Variants in MAST4 observed in about 807,000 individuals in gnomAD.
MAST4 encodes the protein microtubule-associated serine/threonine-protein kinase 4.
In MAST4, 89 loss-of-function variants were observed where a neutral mutation model predicts 162.7. The ratio of observed to expected loss-of-function variants is 0.55; its 90% CI spans 0.46 to 0.65. The LOEUF (loss-of-function observed/expected upper bound fraction) is 0.65. MAST4 is among the 30% of genes least tolerant of loss of function. The probability of loss-of-function intolerance (pLI) is 0.00; values close to 1 mark genes in which losing one functional copy is unlikely to be tolerated. For missense variants in MAST4, 3,153 were observed against 3,374.0 expected (o/e 0.93, Z 1.62); for synonymous variants, 1,479 against 1,361.1 (o/e 1.09, Z -1.91).
intron 8 of MAST4, among the ~76,000 whole-genome samples, chr5:67,101,367 G>T (rs1192282939): frequency 6.6e-6 from 1 of 152,156 alleles, no homozygotes; most frequent in Non-Finnish European, 1.5e-5. Context: ...TCCCTCACTG[G>T]ATGTGGCACC....
At chr5:66,825,241 C>T (rs142426874) in intron 3 of MAST4, among the ~76,000 whole-genome samples, 1 of 148,180 alleles carries the variant, frequency 6.7e-6, no homozygotes, top group Non-Finnish European at 1.5e-5. Context: ...AACTTTTTAA[C>T]CTTTTTTGTT....
intron 3 of MAST4, among the ~76,000 whole-genome samples, chr5:66,806,086 G>A (rs1234580834): frequency 1.3e-5 from 2 of 152,144 alleles, no homozygotes; most frequent in Non-Finnish European, 2.9e-5. Context: ...CCACTTTGCT[G>A]GGCATGAGCT....
intron 1 of MAST4, among the ~76,000 whole-genome samples, chr5:66,723,250 C>T (rs1401707980): frequency 1.3e-5 from 2 of 152,112 alleles, no homozygotes; most frequent in African/African-American, 4.8e-5. Flanking sequence ...TGTTAGTTGA[C>T]CATTTCTCAG....
At position 66,596,630 on chromosome 5, in the gene MAST4, G is replaced by A. The variant is rs781084733; in HGVS notation, c.-26G>A. ...GTGCGCGCCGCGCCCCCGCCGCTCG[G>A]GAGGCACTTTGGGCCAGACAGGGAA... On this transcript the variant is annotated 5_prime_UTR_variant, in exon 1 of 29. Coordinates refer to ENST00000403625, the MANE Select transcript of MAST4 (RefSeq NM_001164664.2). 1.4e-5 allele frequency: 20 copies of A among 1,409,978 alleles called. No homozygotes were observed. The African/African-American group carries it at 2.8e-4, about 20-fold the overall frequency. The allele number at this position is 1,409,978 out of a possible 1,614,324, so 87.3% of individuals were successfully genotyped here. A position where few individuals can be genotyped will look rare whatever the true frequency, so the allele number is the denominator to read the frequency against.
intron 3 of MAST4, among the ~76,000 whole-genome samples, chr5:66,855,348 G>A (rs2149822580): frequency 6.6e-6 from 1 of 152,338 alleles, no homozygotes; most frequent in Admixed American, 6.5e-5. Context: ...TTCCCCAGAA[G>A]CTGAGCAGAT....
chr5:67,140,213 G>A (rs1008511407), intron 19 of MAST4, among the ~76,000 whole-genome samples: 1 of 152,154 alleles, frequency 6.6e-6, no homozygotes, highest in African/African-American at 2.4e-5. Context: ...GATGTGTGTT[G>A]TGGGCCACTA....
intron 3 of MAST4, among the ~76,000 whole-genome samples, chr5:66,834,598 C>G (rs1757833406): frequency 1.3e-5 from 2 of 152,146 alleles, no homozygotes; most frequent in Non-Finnish European, 1.5e-5. Flanking sequence ...GCCCCTTACT[C>G]TTAGCATTTT....
At chr5:66,829,254 C>G (rs1249543877) in intron 3 of MAST4, among the ~76,000 whole-genome samples, 1 of 151,968 alleles carries the variant, frequency 6.6e-6, no homozygotes, top group Admixed American at 6.6e-5. Context: ...GAACGCAGGA[C>G]TCAGTTTTGT....
chr5:67,016,915 G>C (rs1477566342), intron 4 of MAST4, among the ~76,000 whole-genome samples: 1 of 152,178 alleles, frequency 6.6e-6, no homozygotes, highest in Non-Finnish European at 1.5e-5. Context: ...TCTGATTATG[G>C]ATGGCAATAC....
In MAST4 at chr5:66,865,226, A is replaced by G. The variant is rs561619751; in HGVS notation, c.643-34725A>G. ...TGTTTGACATCTCAGATAGTTGGAAATGTCAAGGAGATGTGACAGAGTCAT... is the reference window on the plus strand; with the variant it reads ...TGTTTGACATCTCAGATAGTTGGAAGTGTCAAGGAGATGTGACAGAGTCAT... On this transcript the variant is annotated intron_variant, in intron 3 of 28. Coordinates refer to ENST00000403625, the MANE Select transcript of MAST4 (RefSeq NM_001164664.2). Among the ~76,000 whole-genome samples the G allele has an allele frequency of 9.2e-5, 14 of 152,328 alleles. No homozygotes were observed. The East Asian group carries it at 2.5e-3, about 27-fold the overall frequency.
intron 10 of MAST4, among the ~76,000 whole-genome samples, chr5:67,107,202 T>G (rs547247086): frequency 6.6e-6 from 1 of 152,312 alleles, no homozygotes; most frequent in South Asian, 2.1e-4. Flanking sequence ...AGGCATGCCC[T>G]GAAAAGGGTA....
At chr5:66,919,554 G>C (rs916354807) in intron 4 of MAST4, among the ~76,000 whole-genome samples, 5 of 151,690 alleles carry the variant, frequency 3.3e-5, no homozygotes, top group African/African-American at 1.2e-4. Flanking sequence ...TCAGCTACTT[G>C]GGAGGCTGAG....
intron 4 of MAST4, among the ~76,000 whole-genome samples, chr5:66,924,500 T>C (rs2150055375): frequency 6.6e-6 from 1 of 152,138 alleles, no homozygotes; most frequent in African/African-American, 2.4e-5. Context: ...TTCACGCCGT[T>C]CTCCTGCCTC....
chr5:66,654,725 TTA>T (rs1746440111), intron 1 of MAST4, among the ~76,000 whole-genome samples: 1 of 152,162 alleles, frequency 6.6e-6, no homozygotes, highest in Non-Finnish European at 1.5e-5. Context: ...TTATTCAGAA[TTA>T]TGTTAAGATT....
At chr5:66,908,728 C>G (rs573897649) in intron 4 of MAST4, among the ~76,000 whole-genome samples, 23 of 152,246 alleles carry the variant, frequency 1.5e-4, no homozygotes, top group African/African-American at 5.1e-4. Context: ...TGTGCTGTCT[C>G]ACTAAAAGCC....
At chr5:67,159,054 G>A (rs773653370) in intron 26 of MAST4, among the ~76,000 whole-genome samples, 4 of 152,072 alleles carry the variant, frequency 2.6e-5, no homozygotes, top group Non-Finnish European at 5.9e-5. Context: ...CAAAAAAAGA[G>A]AACAATAGCA....
At chr5:66,882,699 G>A (rs949447221) in intron 3 of MAST4, among the ~76,000 whole-genome samples, 2 of 152,004 alleles carry the variant, frequency 1.3e-5, no homozygotes, top group Non-Finnish European at 2.9e-5. Context: ...GATAACACCA[G>A]CATCTTGACT....
At chr5:66,658,554 A>G (rs1561243188) in intron 1 of MAST4, among the ~76,000 whole-genome samples, 1 of 152,368 alleles carries the variant, frequency 6.6e-6, no homozygotes, top group East Asian at 1.9e-4. Context: ...TATTGTTAAA[A>G]TGAATTTGCA....
At chr5:66,778,932 T>C (rs1025755179) in intron 2 of MAST4, among the ~76,000 whole-genome samples, 5 of 152,200 alleles carry the variant, frequency 3.3e-5, no homozygotes, top group African/African-American at 1.2e-4. Context: ...TTTTAGTGAC[T>C]CCTTAAAACA....
Sources: gnomAD v4.1 joint callset for allele counts (sites outside exome capture counted in the v4.1 genomes callset) on GRCh38, gnomAD v4.1.1 for gene constraint, MANE v1.5 for transcripts, NCBI Gene and HGNC (gene_info 2026-07-23, HGNC 2026-07-21) for gene names.